Variants in ATP8A2 observed in about 807,000 individuals in gnomAD.
ATP8A2 encodes the protein phospholipid-transporting ATPase IB.
A neutral mutation model predicts 165.6 loss-of-function variants in ATP8A2; 100 were observed. The observed-to-expected ratio is 0.60, with a 90% CI of 0.51 to 0.71. ATP8A2 has a LOEUF of 0.71. ATP8A2 is among the 30% of genes least tolerant of loss of function. The pLI is 0.00. For missense variants in ATP8A2, 1,227 were observed against 1,479.5 expected (o/e 0.83, Z 2.80); for synonymous variants, 543 against 548.8 (o/e 0.99, Z 0.15).
chr13:25,888,032 G>A (rs1400706880), intron 33 of ATP8A2, among the ~76,000 whole-genome samples: 2 of 151,558 alleles, frequency 1.3e-5, no homozygotes, highest in African/African-American at 4.8e-5. Flanking sequence ...ACTGCCCATG[G>A]AGAGTAGGCA....
chr13:25,988,832 A>G lies in ATP8A2; in HGVS notation c.3377+20153A>G, dbSNP rs1956323898. ...CCCACCGTCTGAAGTCCAAGAAACA[A>G]ATACCCTAGGCTGAGATCTGGAGAT... On this transcript the variant is annotated intron_variant, in intron 35 of 36. Transcript: ENST00000381655. 6.6e-5 allele frequency among the ~76,000 whole-genome samples: 10 copies of G among 152,364 alleles called. No homozygotes were observed. In the South Asian group the frequency reaches 2.1e-3, roughly 32 times the overall value.
At chr13:25,749,424 C>T (rs761830084) in intron 25 of ATP8A2, among the ~76,000 whole-genome samples, 10 of 152,062 alleles carry the variant, frequency 6.6e-5, no homozygotes, top group African/African-American at 2.4e-4. Flanking sequence ...TGAAGTTAGC[C>T]GAGGGGAGTC....
At chr13:25,907,338 G>C (rs1464249684) in intron 33 of ATP8A2, among the ~76,000 whole-genome samples, 3 of 152,076 alleles carry the variant, frequency 2.0e-5, no homozygotes, top group Non-Finnish European at 4.4e-5. Flanking sequence ...GCAGGAGAGC[G>C]AGACTCCATC....
At chr13:25,835,938 A>G (rs1157762277) in intron 28 of ATP8A2, among the ~76,000 whole-genome samples, 1 of 152,218 alleles carries the variant, frequency 6.6e-6, no homozygotes, top group Non-Finnish European at 1.5e-5. Flanking sequence ...GAATTGGGTA[A>G]CATCTCATTT....
intron 27 of ATP8A2, among the ~76,000 whole-genome samples, chr13:25,822,424 A>G (rs1270500252): frequency 3.3e-5 from 5 of 152,246 alleles, no homozygotes; most frequent in African/African-American, 4.8e-5. Flanking sequence ...CCAGCTGGGT[A>G]TTACAGTGTT....
At chr13:25,673,560 A>T (rs917323842) in intron 24 of ATP8A2, among the ~76,000 whole-genome samples, 5 of 152,210 alleles carry the variant, frequency 3.3e-5, no homozygotes, top group Admixed American at 3.3e-4. Flanking sequence ...CCTTAATTTC[A>T]TGATGTTTTA....
At chr13:25,808,550 T>C (rs1950792482) in intron 27 of ATP8A2, among the ~76,000 whole-genome samples, 1 of 150,452 alleles carries the variant, frequency 6.6e-6, no homozygotes, top group Non-Finnish European at 1.5e-5. Context: ...AGTGAACCGA[T>C]ATCATGCCAC....
chr13:25,717,828 G>A (rs2043289282), intron 25 of ATP8A2, among the ~76,000 whole-genome samples: 1 of 152,156 alleles, frequency 6.6e-6, no homozygotes, highest in Non-Finnish European at 1.5e-5. Flanking sequence ...GTGCTTGGTT[G>A]TGCAGTTCCT....
chr13:25,775,061 T>A, intron 27 of ATP8A2, 102 bp downstream of exon 27: 1 of 664,394 alleles, frequency 1.5e-6, no homozygotes, highest in Non-Finnish European at 2.5e-6. Context: ...CATGTAAAAT[T>A]AAAAGATGCT....
chr13:25,892,478 G>GTCTCTCTCTCTCTCTCTGTCTCTC (rs1953397570), intron 33 of ATP8A2, among the ~76,000 whole-genome samples: 1 of 136,178 alleles, frequency 7.3e-6, no homozygotes, highest in African/African-American at 3.0e-5. Context: ...CTGTCTCTCT[G>GTCTCTCTCTCTCTCTCTGTCTCTC]TCTCTCTCTC....
chr13:25,781,027 C>T (rs2044863936), intron 27 of ATP8A2, among the ~76,000 whole-genome samples: 1 of 152,044 alleles, frequency 6.6e-6, no homozygotes, highest in South Asian at 2.1e-4. Flanking sequence ...TTTGGGAGGC[C>T]GAGGTGGGTG....
chr13:25,538,518 G>T (rs1177344445), intron 7 of ATP8A2, among the ~76,000 whole-genome samples: 2 of 152,104 alleles, frequency 1.3e-5, no homozygotes, highest in East Asian at 3.9e-4. Context: ...GATGGTGTTT[G>T]CTCTTCATCC....
At chr13:25,957,740 T>C (rs1955558697) in intron 33 of ATP8A2, among the ~76,000 whole-genome samples, 1 of 152,206 alleles carries the variant, frequency 6.6e-6, no homozygotes, top group African/African-American at 2.4e-5. Flanking sequence ...AGAAATACCA[T>C]GTGACCCAGC....
At chr13:25,707,078 T>C (rs1458292826) in intron 25 of ATP8A2, among the ~76,000 whole-genome samples, 1 of 152,158 alleles carries the variant, frequency 6.6e-6, no homozygotes, top group African/African-American at 2.4e-5. Flanking sequence ...ATAATTTCTC[T>C]AGAATAAAAC....
intron 1 of ATP8A2, among the ~76,000 whole-genome samples, chr13:25,452,435 G>GT (rs527452044): frequency 7.9e-5 from 12 of 151,832 alleles, no homozygotes; most frequent in African/African-American, 1.4e-4. Flanking sequence ...CATTATGACT[G>GT]TTTTTTTTAT....
At chr13:25,827,089 T>TC (rs1951339388) in intron 27 of ATP8A2, among the ~76,000 whole-genome samples, 1 of 152,170 alleles carries the variant, frequency 6.6e-6, no homozygotes, top group Non-Finnish European at 1.5e-5. Context: ...GTTTTTTGTT[T>TC]TTTTTGTTTG....
chr13:25,642,473 G>C (rs576106053), intron 24 of ATP8A2, among the ~76,000 whole-genome samples: 3 of 152,298 alleles, frequency 2.0e-5, no homozygotes, highest in Non-Finnish European at 2.9e-5. Flanking sequence ...AGACATTTAT[G>C]CAGCCAACAG....
At chr13:25,730,747 G>T (rs2043602676) in intron 25 of ATP8A2, among the ~76,000 whole-genome samples, 1 of 152,102 alleles carries the variant, frequency 6.6e-6, no homozygotes, top group African/African-American at 2.4e-5. Flanking sequence ...GATTTGAGGA[G>T]TTCTTAGATT....
intron 2 of ATP8A2, among the ~76,000 whole-genome samples, chr13:25,506,281 T>C (rs1453398831): frequency 6.6e-6 from 1 of 152,246 alleles, no homozygotes; most frequent in African/African-American, 2.4e-5. Flanking sequence ...CTATGGATGC[T>C]ATAATGGGTA....
Sources: gnomAD v4.1 joint callset for allele counts (sites outside exome capture counted in the v4.1 genomes callset) on GRCh38, gnomAD v4.1.1 for gene constraint, MANE v1.5 for transcripts, NCBI Gene and HGNC (gene_info 2026-07-23, HGNC 2026-07-21) for gene names.